Variants in NRGN observed in about 807,000 individuals in gnomAD.
NRGN encodes the protein neurogranin, also known as calmodulin-binding protein.
For synonymous variants in NRGN, 47 were observed against 52.8 expected (o/e 0.89, Z 0.47); for missense variants, 82 against 123.0 (o/e 0.67, Z 1.58).
intron 1 of NRGN, among the ~76,000 whole-genome samples, chr11:124,741,266 C>T (rs1943963568): frequency 6.6e-6 from 1 of 152,274 alleles, no homozygotes; most frequent in African/African-American, 2.4e-5. Flanking sequence ...ACAGATGTGC[C>T]AACTGAGGTT....
chr11:124,743,424 G>C (rs567069632), intron 1 of NRGN, among the ~76,000 whole-genome samples: 1 of 152,272 alleles, frequency 6.6e-6, no homozygotes, highest in Non-Finnish European at 1.5e-5. Flanking sequence ...AGAAAGACTT[G>C]AGCTCTAAGA....
chr11:124,744,623 G>A (rs1943993704), intron 1 of NRGN: 1 of 152,098 alleles, frequency 6.6e-6, no homozygotes, highest in Admixed American at 6.5e-5. Flanking sequence ...GTTTTATTAG[G>A]GGTAATGATA....
Position 124,745,737 on chromosome 11 carries a change from G to A in NRGN, c.*5+8G>A, listed in dbSNP as rs1246529837. 4.6e-6 allele frequency: 6 copies of A among 1,297,370 alleles called. No homozygotes were observed. Among genetic ancestry groups the A allele is most frequent in the Non-Finnish European group, 5.9e-6 (6 of 1,017,048 alleles). 80.4% of individuals were successfully genotyped at this position (1,297,370 alleles called of 1,614,324 possible). On this transcript the variant is annotated splice_region_variant and intron_variant, in intron 2 of 3. Coordinates refer to ENST00000284292, the MANE Select transcript of NRGN (RefSeq NM_006176.3). The surrounding 1 kb of genome is among the most constrained non-coding windows in gnomAD (Gnocchi z 6.4). ...CAGCGGAGACTAGGCCAGGTGAGGC[G>A]GGCGGCGCGCGGCTGGCTGACAGCT...
rs1015943120 is a variant in NRGN at position 124,740,488 on chromosome 11, C to A, written c.15+389C>A. Among the ~76,000 whole-genome samples, 5 of 152,244 alleles carry A rather than the reference C, an allele frequency of 3.3e-5. No individual in the cohort carries two copies. Among genetic ancestry groups the A allele is most frequent in the African/African-American group, 1.2e-4 (5 of 41,478 alleles). ...TCCTCCCGTCTTTCGGCCCCCACCCCGTTCCCCATCCCACTGCGCCGCCGT... is the reference window on the plus strand; with the variant it reads ...TCCTCCCGTCTTTCGGCCCCCACCCAGTTCCCCATCCCACTGCGCCGCCGT... On this transcript the variant is annotated intron_variant, in intron 1 of 3. Transcript: ENST00000284292. This position sits in a 1 kb window ranked among gnomAD's most constrained non-coding sequence, Gnocchi z 7.5.
rs1175988428 is a variant in NRGN, at chr11:124,746,969, C to G, written c.*589C>G. The G allele has an allele frequency of 2.6e-5, 4 of 152,918 alleles. No individual in the cohort carries two copies. Among genetic ancestry groups the G allele is most frequent in the Non-Finnish European group, 5.9e-5 (4 of 68,290 alleles). 9.5% of individuals were successfully genotyped at this position (152,918 alleles called of 1,614,324 possible). ...TATCCCACACCTGCCTGTCACGTTC[C>G]CTCCCCTTTCCCCAGCGCACTGTTG... On this transcript the variant is annotated 3_prime_UTR_variant, in exon 4 of 4. Transcript: ENST00000284292.
intron 1 of NRGN, among the ~76,000 whole-genome samples, chr11:124,744,061 G>A (rs55661361): frequency 0.42 from 64,515 of 151,982 alleles, 16,005 homozygotes; most frequent in African/African-American, 0.7. Flanking sequence ...ATTCCTCTCC[G>A]TTCCATAGCC....
intron 1 of NRGN, among the ~76,000 whole-genome samples, chr11:124,743,816 C>A (rs1179853509): frequency 4.1e-5 from 6 of 147,702 alleles, no homozygotes; most frequent in Non-Finnish European, 7.4e-5. Flanking sequence ...ATGTGCAGAA[C>A]TGAATTACCA....
chr11:124,744,372 A>G (rs918881547), intron 1 of NRGN, among the ~76,000 whole-genome samples: 4 of 152,258 alleles, frequency 2.6e-5, no homozygotes, highest in Admixed American at 1.3e-4. Flanking sequence ...AGAGGTGGAT[A>G]CCATTATCCT....
chr11:124,746,055 C>T lies in NRGN; in HGVS notation c.*23+73C>T, dbSNP rs932118363. On this transcript the variant is annotated intron_variant, in intron 3 of 3. Transcript: ENST00000284292. ...GAAAAGGATCGAATCCCCAGCCCTTCCCTCTGCCCACCCTCACCCCTCCCA... is the reference window on the plus strand; with the variant it reads ...GAAAAGGATCGAATCCCCAGCCCTTTCCTCTGCCCACCCTCACCCCTCCCA... 4 of 218,568 alleles carry T rather than the reference C, an allele frequency of 1.8e-5. No homozygotes were observed. In the East Asian group the frequency reaches 3.9e-4, roughly 21 times the overall value. The allele number at this position is 218,568 out of a possible 1,614,324, so 13.5% of individuals were successfully genotyped here. A position where few individuals can be genotyped will look rare whatever the true frequency, so the allele number is the denominator to read the frequency against.
At chr11:124,744,327 G>A (rs1943991516) in intron 1 of NRGN, among the ~76,000 whole-genome samples, 1 of 152,216 alleles carries the variant, frequency 6.6e-6, no homozygotes, top group Admixed American at 6.5e-5. Context: ...GAGACTTTAT[G>A]CATATCATGC....
chr11:124,743,492 A>G (rs1487545450), intron 1 of NRGN, among the ~76,000 whole-genome samples: 2 of 152,178 alleles, frequency 1.3e-5, no homozygotes, highest in Non-Finnish European at 2.9e-5. Context: ...TGGCCTTTCC[A>G]CAACCATACC....
In NRGN at chr11:124,740,233, C is replaced by A. The variant is rs1268349532; in HGVS notation, c.15+134C>A. 9.4e-6 allele frequency: 6 copies of A among 640,324 alleles called. No homozygotes were observed. Among genetic ancestry groups the A allele is most frequent in the Non-Finnish European group, 6.8e-6 (3 of 438,304 alleles). 39.7% of individuals were successfully genotyped at this position (640,324 alleles called of 1,614,324 possible). Reference sequence around the variant, plus strand: ...GGAGCAGAAAGAAAAGGGGTCCTTGCCGAGACGTGGGTGGTGGATGGTGGA... The same window carrying A: ...GGAGCAGAAAGAAAAGGGGTCCTTGACGAGACGTGGGTGGTGGATGGTGGA... On this transcript the variant is annotated intron_variant, in intron 1 of 3. Coordinates refer to ENST00000284292, the MANE Select transcript of NRGN (RefSeq NM_006176.3). This position sits in a 1 kb window ranked among gnomAD's most constrained non-coding sequence, Gnocchi z 7.5.
Position 124,740,143 on chromosome 11 carries a change from T to A in NRGN, c.15+44T>A. On this transcript the variant is annotated intron_variant, in intron 1 of 3. Transcript: ENST00000284292. The surrounding 1 kb of genome is among the most constrained non-coding windows in gnomAD (Gnocchi z 7.5). ...GGGAGGGGCACTTGGCGGGGTCCGC[T>A]GCGAGAGGCGCCTGAGAAAGCCCTG... 7.7e-7 allele frequency: 1 copy of A among 1,298,754 alleles called. No individual in the cohort carries two copies. 80.5% of individuals were successfully genotyped at this position (1,298,754 alleles called of 1,614,324 possible).
chr11:124,744,574 C>T (rs908850660), intron 1 of NRGN: 1 of 152,144 alleles, frequency 6.6e-6, no homozygotes, highest in African/African-American at 2.4e-5. Context: ...GGTAACTGTC[C>T]GTATGACCCA....
At chr11:124,743,129 G>C (rs574533721) in intron 1 of NRGN, among the ~76,000 whole-genome samples, 2 of 152,368 alleles carry the variant, frequency 1.3e-5, no homozygotes, top group Admixed American at 1.3e-4. Context: ...TGGCAGCTCT[G>C]TCCTGAAAAT....
rs764706068 is a variant in NRGN at position 124,745,571 on chromosome 11, G to A, written c.84G>A (p.Ala28=). 3 of 1,606,656 alleles carry A rather than the reference G, an allele frequency of 1.9e-6. No individual in the cohort carries two copies. The highest frequency in any genetic ancestry group is 1.3e-5 in the African/African-American group (1 of 74,536). ...DIPLDDPGAN[A]AAAKIQASFR... is the part of the protein sequence containing the mutation. ...CGCTGGACGATCCCGGCGCCAACGC[G>A]GCCGCCGCCAAAATCCAGGCGAGTT... The change falls in exon 2 of 4, where the codon GCG becomes GCA. Residue 28 remains alanine (A), a synonymous_variant. Transcript: ENST00000284292. This position sits in a 1 kb window ranked among gnomAD's most constrained non-coding sequence, Gnocchi z 6.4.
chr11:124,741,730 G>A (rs1223798806), intron 1 of NRGN, among the ~76,000 whole-genome samples: 1 of 151,974 alleles, frequency 6.6e-6, no homozygotes, highest in African/African-American at 2.4e-5. Context: ...GCTGGGGAAG[G>A]GGAAGTGGGA....
At position 124,740,004 on chromosome 11, in the gene NRGN, G is replaced by A; in HGVS notation, c.-81G>A. ...GGTCGGCTGGCGGCCGACTGCCCCA[G>A]AGCCCCCACCCGGCACCACACAGAC... On this transcript the variant is annotated 5_prime_UTR_variant, in exon 1 of 4. Transcript: ENST00000284292. The surrounding 1 kb of genome is among the most constrained non-coding windows in gnomAD (Gnocchi z 7.5). The A allele has an allele frequency of 3.2e-6, 2 of 616,858 alleles. No homozygotes were observed. Among genetic ancestry groups the A allele is most frequent in the Non-Finnish European group, 5.1e-6 (2 of 393,778 alleles). 38.2% of individuals were successfully genotyped at this position (616,858 alleles called of 1,614,324 possible). A position where few individuals can be genotyped will look rare whatever the true frequency, so the allele number is the denominator to read the frequency against.
At chr11:124,742,672 AT>A (rs1178323696) in intron 1 of NRGN, among the ~76,000 whole-genome samples, 16 of 152,250 alleles carry the variant, frequency 1.1e-4, no homozygotes, top group African/African-American at 3.9e-4. Flanking sequence ...TCACTTCACT[AT>A]TTGTCAACTG....
Sources: allele counts gnomAD v4.1 joint callset (sites outside exome capture counted in the v4.1 genomes callset), GRCh38; gene constraint gnomAD v4.1.1; non-coding constraint Gnocchi (gnomAD v3.1); transcripts MANE v1.5; gene names NCBI Gene and HGNC (gene_info 2026-07-23, HGNC 2026-07-21).